AOAH: variants seen among roughly 807,000 people sequenced by gnomAD.
AOAH encodes acyloxyacyl hydrolase (neutrophil).
AOAH carries 64 observed loss-of-function variants against 92.2 expected under a neutral mutation model. The ratio of observed to expected loss-of-function variants is 0.69; its 90% CI spans 0.57 to 0.86. The LOEUF is 0.86. AOAH is among the 40% of genes least tolerant of loss of function. The pLI is 0.00. For missense variants in AOAH, 656 were observed against 694.6 expected (o/e 0.94, Z 0.62); for synonymous variants, 263 against 254.5 (o/e 1.03, Z -0.32).
Position 36,657,023 on chromosome 7 carries a change from G to A in AOAH, c.390+2143C>T, listed in dbSNP as rs1444149125. 2.0e-5 allele frequency among the ~76,000 whole-genome samples: 3 copies of A among 152,056 alleles called. No homozygotes were observed. In the East Asian group the frequency reaches 5.8e-4, roughly 29 times the overall value. ...GTCTGCTATATACCACTGAAAACTA[G>A]ATGCTCAAAATGTAATGTTAAGGGA... is the stretch of plus-strand genomic sequence containing the variant. On this transcript the variant is annotated intron_variant, in intron 4 of 20. Transcript: ENST00000617537.
At chr7:36,664,117 A>C (rs1477161687) in intron 3 of AOAH, among the ~76,000 whole-genome samples, 1 of 152,060 alleles carries the variant, frequency 6.6e-6, no homozygotes, top group Non-Finnish European at 1.5e-5. Context: ...TTTGGATAAC[A>C]GATCTTTATT....
At chr7:36,607,162 C>T (rs1791064116) in intron 11 of AOAH, among the ~76,000 whole-genome samples, 1 of 152,110 alleles carries the variant, frequency 6.6e-6, no homozygotes. Context: ...TCCTTTTCAG[C>T]GAATACAGCT....
chr7:36,597,439 T>A (rs1790209602), intron 11 of AOAH, among the ~76,000 whole-genome samples: 1 of 152,208 alleles, frequency 6.6e-6, no homozygotes, highest in African/African-American at 2.4e-5. Flanking sequence ...AGGATGAGAA[T>A]ATTCATTCTG....
At chr7:36,515,615 CACACACATAATCACACACACACT>C (rs1783610611) in intron 20 of AOAH, among the ~76,000 whole-genome samples, 1 of 128,112 alleles carries the variant, frequency 7.8e-6, no homozygotes, top group Non-Finnish European at 1.7e-5. Context: ...AACCCCACAC[CACACACATAATCACACACACACT>C]ACACACCAAC....
chr7:36,717,578 T>A (rs530735248), intron 1 of AOAH, among the ~76,000 whole-genome samples: 208 of 150,910 alleles, frequency 1.4e-3, no homozygotes, highest in African/African-American at 4.7e-3. Flanking sequence ...ATGGAGGCAG[T>A]GGCGAGGCAC....
chr7:36,712,226 G>A (rs1480830179), intron 1 of AOAH, among the ~76,000 whole-genome samples: 1 of 152,138 alleles, frequency 6.6e-6, no homozygotes, highest in Non-Finnish European at 1.5e-5. Flanking sequence ...CCACCTCTGT[G>A]TTCATCAATC....
intron 13 of AOAH, 102 bp from the exon 14 acceptor site, chr7:36,549,577 G>C (rs183645533): frequency 7.5e-6 from 6 of 800,776 alleles, no homozygotes; most frequent in African/African-American, 5.2e-5. Context: ...CGGCATTACT[G>C]TTCGGGCAAA....
chr7:36,599,378 G>A, intron 11 of AOAH, among the ~76,000 whole-genome samples: 1 of 152,194 alleles, frequency 6.6e-6, no homozygotes, highest in East Asian at 1.9e-4. Flanking sequence ...TTCCAGCAAA[G>A]CAGGGAGTAT....
intron 1 of AOAH, among the ~76,000 whole-genome samples, chr7:36,711,850 C>T (rs546132491): frequency 2.0e-5 from 3 of 152,086 alleles, no homozygotes; most frequent in African/African-American, 4.8e-5. Flanking sequence ...CACTTGCTGG[C>T]GCTCTTAGGG....
At chr7:36,723,001 T>C (rs1050056659) in intron 1 of AOAH, among the ~76,000 whole-genome samples, 8 of 137,008 alleles carry the variant, frequency 5.8e-5, no homozygotes, top group African/African-American at 2.2e-4. Context: ...ACATGTACAA[T>C]GACCTGAGGC....
rs191369463 is a variant in AOAH at position 36,537,025 on chromosome 7, G to C, written c.1306+3294C>G. Among the ~76,000 whole-genome samples, 905 of 149,500 alleles carry C rather than the reference G, an allele frequency of 6.1e-3. 12 individuals carry two copies. Among genetic ancestry groups the C allele is most frequent in the African/African-American group, 0.022 (875 of 40,634 alleles). Reference sequence around the variant, plus strand: ...CCCCTCTTGAAGTCTGTCATCTTGTGTGAGTGATGAGTCCTGTCAAAGGAG... The same window carrying C: ...CCCCTCTTGAAGTCTGTCATCTTGTCTGAGTGATGAGTCCTGTCAAAGGAG... On this transcript the variant is annotated intron_variant, in intron 16 of 20. Coordinates refer to ENST00000617537, the MANE Select transcript of AOAH (RefSeq NM_001637.4).
chr7:36,623,133 A>G (rs1206717822), intron 7 of AOAH, 57 bp downstream of exon 7: 2 of 1,401,908 alleles, frequency 1.4e-6, no homozygotes, highest in Non-Finnish European at 2.0e-6. Flanking sequence ...AAGGAAAGAA[A>G]TGTGTAGGAA....
intron 11 of AOAH, among the ~76,000 whole-genome samples, chr7:36,607,106 CAGGAG>C (rs1791061092): frequency 6.6e-6 from 1 of 152,154 alleles, no homozygotes; most frequent in African/African-American, 2.4e-5. Context: ...ATGGCAAGAG[CAGGAG>C]AGGAGAGGGG....
At chr7:36,589,730 C>A (rs533316202) in intron 12 of AOAH, among the ~76,000 whole-genome samples, 1 of 152,194 alleles carries the variant, frequency 6.6e-6, no homozygotes, top group Non-Finnish European at 1.5e-5. Context: ...GACTTCCTTT[C>A]ACTCTATCAT....
chr7:36,674,109 T>G, intron 2 of AOAH, 100 bp from the exon 3 acceptor site: 1 of 665,810 alleles, frequency 1.5e-6, no homozygotes. Context: ...GCTGAGTGAT[T>G]AATTTATGAT....
At chr7:36,528,649 T>A (rs544137260) in intron 19 of AOAH, among the ~76,000 whole-genome samples, 1 of 152,178 alleles carries the variant, frequency 6.6e-6, no homozygotes, top group South Asian at 2.1e-4. Context: ...AGGCTGGAGT[T>A]GAGTGACGTG....
chr7:36,550,581 C>T (rs775465885), intron 13 of AOAH, among the ~76,000 whole-genome samples: 1 of 152,166 alleles, frequency 6.6e-6, no homozygotes, highest in Non-Finnish European at 1.5e-5. Flanking sequence ...CGTCTGCCAT[C>T]CTGAGCTCTG....
rs769102806 is a variant in AOAH at position 36,576,626 on chromosome 7, T to G, written c.969A>C (p.Leu323Phe). 12 of 1,576,698 alleles carry G rather than the reference T, an allele frequency of 7.6e-6. No individual in the cohort carries two copies. The South Asian group carries it at 1.4e-4, about 18-fold the overall frequency. The change falls in exon 13 of 21, where the codon TTA (leucine) becomes TTC (phenylalanine). Residue 323 changes from leucine (L) to phenylalanine (F), a missense_variant. Coordinates refer to ENST00000617537, the MANE Select transcript of AOAH (RefSeq NM_001637.4). ...TGTGATTACAGTGGTTTCTTTTCCA[T>G]AAGCGAAGGTAAATAGATTTTTCTT... is the stretch of plus-strand genomic sequence containing the variant. ...GIKEKSIYLR[L>F]WKRNHCNHRD... is the part of the protein sequence containing the mutation.
Position 36,620,180 on chromosome 7 carries a change from C to CT in AOAH, c.702+600dup, listed in dbSNP as rs1254697291. The stretch of plus-strand genomic sequence containing the variant: ...GATTTTGTATTTTTAAGTAGATATT[C>CT]TTTTTTTCATGAGGAACCCTCAAAT... On this transcript the variant is annotated intron_variant, in intron 9 of 20. Coordinates refer to ENST00000617537, the MANE Select transcript of AOAH (RefSeq NM_001637.4). Among the ~76,000 whole-genome samples the CT allele has an allele frequency of 3.3e-5, 5 of 152,220 alleles. No homozygotes were observed. In the East Asian group the frequency reaches 7.7e-4, roughly 23 times the overall value.
Sources: gnomAD v4.1 joint callset for allele counts (sites outside exome capture counted in the v4.1 genomes callset) on GRCh38, gnomAD v4.1.1 for gene constraint, MANE v1.5 for transcripts, NCBI Gene and HGNC (gene_info 2026-07-23, HGNC 2026-07-21) for gene names.